Variants in PPARGC1A observed in about 807,000 individuals in gnomAD.
PPARGC1A encodes PPARG coactivator 1 alpha.
PPARGC1A carries 25 observed loss-of-function variants against 88.7 expected under a neutral mutation model. That is an observed-to-expected ratio of 0.28 (90% CI 0.21 to 0.39). PPARGC1A has a LOEUF of 0.39. PPARGC1A is among the 10% of genes least tolerant of loss of function. The pLI, the probability that PPARGC1A is intolerant of heterozygous loss-of-function variation, is 1.00. For missense variants in PPARGC1A, 880 were observed against 968.7 expected (o/e 0.91, Z 1.22); for synonymous variants, 363 against 355.6 (o/e 1.02, Z -0.24).
the PPARGC1A span, among the ~76,000 whole-genome samples, chr4:24,158,999 T>C: frequency 6.6e-6 from 1 of 152,156 alleles, no homozygotes. Context: ...AGCAGTTTCT[T>C]AGTGGTATGT....
the PPARGC1A span, among the ~76,000 whole-genome samples, chr4:24,358,932 G>A: frequency 0.33 from 49,706 of 152,024 alleles, 8,345 homozygotes; most frequent in South Asian, 0.39. Flanking sequence ...TCCCACCTAT[G>A]TGTTTCTTCC....
At chr4:24,201,791 A>T in the PPARGC1A span, among the ~76,000 whole-genome samples, 1 of 152,158 alleles carries the variant, frequency 6.6e-6, no homozygotes, top group South Asian at 2.1e-4. Context: ...TGAAAATAAG[A>T]TCCTTTTTTT....
At chr4:24,164,366 C>T in the PPARGC1A span, among the ~76,000 whole-genome samples, 1 of 152,170 alleles carries the variant, frequency 6.6e-6, no homozygotes, top group Non-Finnish European at 1.5e-5. Context: ...AACACAGCAG[C>T]ACTGGCAAAA....
chr4:23,939,227 A>C, the PPARGC1A span, among the ~76,000 whole-genome samples: 4 of 151,610 alleles, frequency 2.6e-5, no homozygotes, highest in East Asian at 3.9e-4. Context: ...TGCATATCAA[A>C]CCCCCCCCCA....
chr4:23,807,396 C>T (rs937795857), intron 10 of PPARGC1A, among the ~76,000 whole-genome samples: 3 of 152,134 alleles, frequency 2.0e-5, no homozygotes, highest in Non-Finnish European at 4.4e-5. Flanking sequence ...CCCCCATTCA[C>T]GTACCGTGTG....
chr4:23,999,407 C>T, the PPARGC1A span, among the ~76,000 whole-genome samples: 1 of 152,190 alleles, frequency 6.6e-6, no homozygotes, highest in Non-Finnish European at 1.5e-5. Context: ...AGCTTTCTTG[C>T]AGTGAGCCCA....
chr4:23,966,323 G>T, the PPARGC1A span, among the ~76,000 whole-genome samples: 2 of 152,144 alleles, frequency 1.3e-5, no homozygotes, highest in Non-Finnish European at 2.9e-5. Context: ...GCCCAGTATG[G>T]TAGCCACTAG....
At chr4:24,270,028 A>G in the PPARGC1A span, among the ~76,000 whole-genome samples, 94,359 of 152,018 alleles carry the variant, frequency 0.62, 29,787 homozygotes, top group East Asian at 0.87. Context: ...TTCTGGATAA[A>G]GTTAACATTT....
At chr4:23,819,726 G>A (rs1722643036) in intron 7 of PPARGC1A, among the ~76,000 whole-genome samples, 1 of 152,126 alleles carries the variant, frequency 6.6e-6, no homozygotes, top group African/African-American at 2.4e-5. Flanking sequence ...GAAGAATATG[G>A]TTGAAATATG....
At chr4:24,146,484 T>C in the PPARGC1A span, among the ~76,000 whole-genome samples, 2 of 152,236 alleles carry the variant, frequency 1.3e-5, no homozygotes, top group Non-Finnish European at 2.9e-5. Flanking sequence ...AAATCTCATG[T>C]AACCTCAAGT....
the PPARGC1A span, among the ~76,000 whole-genome samples, chr4:24,109,567 T>C: frequency 6.6e-6 from 1 of 152,188 alleles, no homozygotes; most frequent in Non-Finnish European, 1.5e-5. Context: ...ATCTATTCAT[T>C]CCCATCCCAA....
At chr4:23,942,983 C>T in the PPARGC1A span, among the ~76,000 whole-genome samples, 6 of 152,100 alleles carry the variant, frequency 3.9e-5, no homozygotes, top group South Asian at 2.1e-4. Flanking sequence ...AATATAAGTA[C>T]AATTTGAATT....
chr4:24,078,104 ATT>A, the PPARGC1A span, among the ~76,000 whole-genome samples: 29 of 150,154 alleles, frequency 1.9e-4, no homozygotes, highest in East Asian at 3.9e-4. Flanking sequence ...GTTTCCTCAA[ATT>A]TTTTTTTTTG....
At chr4:23,802,130 A>C in intron 11 of PPARGC1A, 94 bp downstream of exon 11, 2 of 1,537,296 alleles carry the variant, frequency 1.3e-6, no homozygotes, top group Non-Finnish European at 8.9e-7. Flanking sequence ...CTGTCAAAGC[A>C]CTTACATTGG....
the PPARGC1A span, among the ~76,000 whole-genome samples, chr4:24,262,357 C>T: frequency 1.4e-4 from 21 of 152,212 alleles, no homozygotes; most frequent in Non-Finnish European, 1.8e-4. Flanking sequence ...ACTTCACCTG[C>T]CTTCCCAAAC....
the PPARGC1A span, among the ~76,000 whole-genome samples, chr4:24,345,783 G>A: frequency 2.6e-5 from 4 of 152,082 alleles, no homozygotes; most frequent in African/African-American, 4.8e-5. Flanking sequence ...TCTTTCTCTT[G>A]CCTGATTGCT....
the PPARGC1A span, among the ~76,000 whole-genome samples, chr4:24,240,550 G>T: frequency 2.0e-5 from 3 of 152,098 alleles, no homozygotes; most frequent in African/African-American, 4.8e-5. Flanking sequence ...AAAAATTCAC[G>T]CTGTTAATTA....
chr4:24,011,411 T>C, the PPARGC1A span, among the ~76,000 whole-genome samples: 1 of 152,058 alleles, frequency 6.6e-6, no homozygotes, highest in Non-Finnish European at 1.5e-5. Flanking sequence ...AGACACATAT[T>C]AGAGACTCTC....
At chr4:23,877,148 TG>T (rs1714864417) in intron 2 of PPARGC1A, among the ~76,000 whole-genome samples, 1 of 152,060 alleles carries the variant, frequency 6.6e-6, no homozygotes, top group Admixed American at 6.5e-5. Flanking sequence ...CCCTTTTCCC[TG>T]CTCTCATTCT....
Sources: allele counts gnomAD v4.1 joint callset (sites outside exome capture counted in the v4.1 genomes callset), GRCh38; gene constraint gnomAD v4.1.1; transcripts MANE v1.5; gene names NCBI Gene and HGNC (gene_info 2026-07-23, HGNC 2026-07-21).